The following WDR90 variants were observed in gnomAD, a reference collection of about 807,000 sequenced individuals.
The protein encoded by WDR90 is WD repeat domain 90, also known as WD repeat-containing protein 90.
A neutral mutation model predicts 195.2 loss-of-function variants in WDR90; 238 were observed. The observed-to-expected ratio is 1.22, with a 90% confidence interval of 1.10 to 1.36. The LOEUF (loss-of-function observed/expected upper bound fraction) is 1.36. WDR90 is among the 40% of genes most tolerant of loss of function. The probability of loss-of-function intolerance (pLI) is 0.00; values close to 1 mark genes in which losing one functional copy is unlikely to be tolerated. For synonymous variants in WDR90, 1,265 were observed against 1,052.4 expected (o/e 1.20, Z -3.91); for missense variants, 2,734 against 2,439.5 (o/e 1.12, Z -2.54).
intron 40 of WDR90, among the ~76,000 whole-genome samples, chr16:667,228 G>T (rs1441950331): frequency 3.9e-5 from 6 of 152,214 alleles, no homozygotes; most frequent in African/African-American, 1.4e-4. Flanking sequence ...TTTAAGGAGG[G>T]AACTGGCCCA....
upstream of WDR90, chr16:649,169 T>G (rs1332600056): frequency 7.5e-6 from 3 of 400,292 alleles, no homozygotes; most frequent in African/African-American, 6.2e-5. Context: ...CCGGTCGGGC[T>G]AACAGGGGGC....
rs748458432 is a variant in WDR90, at chr16:650,626, G to C, written c.476G>C (p.Cys159Ser). ...QDVLLVYLNR[C>S]YGHLKSIRLC... ...GTTCTCCTGGTCTACCTGAACCGGT[G>C]CTACGGCCATCTCAAGAGCATCAGG... The change falls in exon 5 of 41, where the codon TGC becomes TCC. Residue 159 changes from cysteine to serine, a missense_variant. Physicochemically the swap from Cys to Ser is moderately radical, Grantham distance 112. Coordinates refer to ENST00000293879, the MANE Select transcript of WDR90 (RefSeq NM_145294.5). The C allele has an allele frequency of 1.2e-6, 2 of 1,612,670 alleles. No homozygotes were observed. Among genetic ancestry groups the C allele is most frequent in the Non-Finnish European group, 1.7e-6 (2 of 1,179,940 alleles).
chr16:659,200 C>T (rs1302583905), intron 25 of WDR90, 45 bp from the exon 26 acceptor site: 7 of 1,609,998 alleles, frequency 4.3e-6, no homozygotes, highest in African/African-American at 2.7e-5. Flanking sequence ...GCCTAGTGGC[C>T]CTTCCTCTTC....
At position 661,754 on chromosome 16, in the gene WDR90, C is replaced by T. The variant is rs200439148; in HGVS notation, c.3831C>T (p.Leu1277=). The T allele has an allele frequency of 5.6e-6, 9 of 1,608,548 alleles. No individual in the cohort carries two copies. The South Asian group carries it at 6.6e-5, about 12-fold the overall frequency. The change falls in exon 31 of 41, where the codon CTC becomes CTT. Residue 1277 remains leucine (L), a synonymous_variant. Coordinates refer to ENST00000293879, the MANE Select transcript of WDR90 (RefSeq NM_145294.5). ...CVGQGTVTFW[L]LQQRGADISL... ...GCCAGGGCACTGTCACCTTCTGGCT[C>T]CTTCAGCAGCGTGGGGCAGACATCA... is the stretch of plus-strand genomic sequence containing the variant.
At chr16:656,132 C>T (rs934953543) in intron 17 of WDR90, 170 bp from the exon 18 acceptor site, 55 of 777,626 alleles carry the variant, frequency 7.1e-5, no homozygotes, top group Non-Finnish European at 9.2e-5. Flanking sequence ...GCCTGGGTCC[C>T]GCCTAGCCTA....
At chr16:660,275 G>A in intron 27 of WDR90, 114 bp downstream of exon 27, 1 of 963,086 alleles carries the variant, frequency 1.0e-6, no homozygotes, top group Non-Finnish European at 1.5e-6. Context: ...GATGGCTCTG[G>A]CCCTTGGGCG....
In WDR90 at chr16:653,739, T is replaced by G; in HGVS notation, c.1380-7T>G. On this transcript the variant is annotated splice_polypyrimidine_tract_variant and splice_region_variant and intron_variant, in intron 12 of 40. Transcript: ENST00000293879. ...GGCGACAATGACCACCTCCTCCCTG[T>G]TCACAGCTTCTCTGACAGCGGGGCC... The G allele has an allele frequency of 6.2e-7, 1 of 1,613,298 alleles. No homozygotes were observed. Among genetic ancestry groups the G allele is most frequent in the Non-Finnish European group, 8.5e-7 (1 of 1,179,984 alleles).
At chr16:664,724 G>C (rs960532415) in intron 34 of WDR90, among the ~76,000 whole-genome samples, 6 of 150,754 alleles carry the variant, frequency 4.0e-5, no homozygotes, top group Non-Finnish European at 8.8e-5. Flanking sequence ...TTGTCGCCCA[G>C]GCTGGAGTGC....
chr16:651,995 C>G lies in WDR90; in HGVS notation c.1009C>G (p.His337Asp), dbSNP rs930613394. ...TAAAGTHVLT[H>D]ESAEVPVART... ...TGCTGCCGGCACCCACGTGTTGACTCACGAGTCGGCTGAGGTGCCCGTGGC... is the reference window on the plus strand; with the variant it reads ...TGCTGCCGGCACCCACGTGTTGACTGACGAGTCGGCTGAGGTGCCCGTGGC... The change falls in exon 9 of 41, where the codon CAC becomes GAC. Residue 337 changes from histidine (H) to aspartate (D), a missense_variant. His to Asp is a moderately conservative substitution (Grantham distance 81). Transcript: ENST00000293879. The G allele has an allele frequency of 3.1e-6, 5 of 1,605,464 alleles. No individual in the cohort carries two copies. In the African/African-American group the frequency reaches 5.3e-5, roughly 17 times the overall value.
In WDR90 at chr16:652,452, G is replaced by A. The variant is rs376590510; in HGVS notation, c.1054-15G>A. 181 of 1,596,754 alleles carry A rather than the reference G, an allele frequency of 1.1e-4. 2 individuals are homozygous for A. In the East Asian group the frequency reaches 1.5e-3, roughly 13 times the overall value. On this transcript the variant is annotated splice_polypyrimidine_tract_variant and intron_variant, in intron 9 of 40. Transcript: ENST00000293879. ...GCTGAGCCTCCCAGGACTTTGATGCGAATGGCTGTTTCAGGGCTTCCTCCC... is the reference window on the plus strand; with the variant it reads ...GCTGAGCCTCCCAGGACTTTGATGCAAATGGCTGTTTCAGGGCTTCCTCCC...
At chr16:653,693 C>A in intron 12 of WDR90, 23 bp downstream of exon 12, 1 of 1,613,162 alleles carries the variant, frequency 6.2e-7, no homozygotes, top group Non-Finnish European at 8.5e-7. Context: ...CTGCCCCATG[C>A]AGGGGGAGGG....
At position 650,528 on chromosome 16, in the gene WDR90, C is replaced by G. The variant is rs371671205; in HGVS notation, c.389-11C>G. The G allele has an allele frequency of 6.3e-7, 1 of 1,595,368 alleles. No individual in the cohort carries two copies. The highest frequency in any genetic ancestry group is 8.6e-7 in the Non-Finnish European group (1 of 1,166,576). On this transcript the variant is annotated splice_polypyrimidine_tract_variant and intron_variant, in intron 4 of 40. Transcript: ENST00000293879. ...GAGGGTGGGCGCTGACCCTGAGTGC[C>G]CATCCTGCAGATCTGGTGGGTTTGG... is the stretch of plus-strand genomic sequence containing the variant.
In WDR90 at chr16:653,822, C is replaced by T. The variant is rs749818784; in HGVS notation, c.1437+19C>T. ...GAGGACGGTAACAGGGCCCTGGCTG[C>T]GGGTTGGGGTGGGGCTGTCCTGATG... is the stretch of plus-strand genomic sequence containing the variant. On this transcript the variant is annotated intron_variant, in intron 13 of 40. Transcript: ENST00000293879. 13 of 1,612,628 alleles carry T rather than the reference C, an allele frequency of 8.1e-6. No individual in the cohort carries two copies. The highest frequency in any genetic ancestry group is 8.0e-5 in the African/African-American group (6 of 74,936).
chr16:661,744 CCTT>C lies in WDR90; in HGVS notation c.3824_3826del (p.Phe1275del), dbSNP rs763273903. The C allele has an allele frequency of 4.3e-6, 7 of 1,610,016 alleles. No individual in the cohort carries two copies. Among genetic ancestry groups the C allele is most frequent in the South Asian group, 2.2e-5 (2 of 90,818 alleles). ...ACCTGTGTGGGCCAGGGCACTGTCA[CCTT>C]CTGGCTCCTTCAGCAGCGTGGGGCA... On this transcript the variant is annotated inframe_deletion, in exon 31 of 41. Transcript: ENST00000293879.
intron 27 of WDR90, 71 bp from the exon 28 acceptor site, chr16:660,541 C>A: frequency 6.8e-7 from 1 of 1,467,922 alleles, no homozygotes; most frequent in South Asian, 1.2e-5. Context: ...AACACAGCCT[C>A]CCATGTGCAG....
upstream of WDR90, chr16:649,274 G>C: frequency 4.0e-6 from 4 of 1,008,926 alleles, no homozygotes; most frequent in South Asian, 8.2e-5. Context: ...CCACCGGGGA[G>C]GTCACGTGGC....
At chr16:659,522 G>A (rs1412909172) in intron 26 of WDR90, 146 bp downstream of exon 26, 1 of 1,162,956 alleles carries the variant, frequency 8.6e-7, no homozygotes, top group Non-Finnish European at 1.2e-6. Flanking sequence ...GGGTCGGGGT[G>A]GGGGCAGCTT....
chr16:654,076 C>A lies in WDR90; in HGVS notation c.1437+273C>A, dbSNP rs560458267. On this transcript the variant is annotated intron_variant, in intron 13 of 40. Transcript: ENST00000293879. ...TACACACCTCGCCTCGTTCTCTCTG[C>A]TGGTGATGCGGTTGTAAGATTTTCA... 4.9e-5 allele frequency: 24 copies of A among 492,664 alleles called. No individual in the cohort carries two copies. The South Asian group carries it at 8.5e-4, about 17-fold the overall frequency. 30.5% of individuals were successfully genotyped at this position (492,664 alleles called of 1,614,324 possible). A position where few individuals can be genotyped will look rare whatever the true frequency, so the allele number is the denominator to read the frequency against.
intron 13 of WDR90, 179 bp from the exon 14 acceptor site, chr16:654,850 A>T: frequency 1.6e-6 from 1 of 613,340 alleles, no homozygotes; most frequent in Non-Finnish European, 2.9e-6. Flanking sequence ...AGAAGTCCCA[A>T]AGCTTCAGGA....
Sources: gnomAD v4.1 joint callset for allele counts (sites outside exome capture counted in the v4.1 genomes callset) on GRCh38, gnomAD v4.1.1 for gene constraint, MANE v1.5 for transcripts, NCBI Gene and HGNC (gene_info 2026-07-23, HGNC 2026-07-21) for gene names.